SERGEF: variants seen among roughly 807,000 people sequenced by gnomAD.
SERGEF encodes the protein secretion-regulating guanine nucleotide exchange factor.
In SERGEF, 51 loss-of-function variants were observed where a neutral mutation model predicts 50.0. The observed-to-expected ratio is 1.02, with a 90% CI of 0.81 to 1.29. The LOEUF is 1.29. Among genes scored for constraint, SERGEF ranks in the 50% most tolerant of loss-of-function variants. SERGEF has a pLI of 0.00. For missense variants in SERGEF, 521 were observed against 557.0 expected (o/e 0.94, Z 0.65); for synonymous variants, 205 against 212.4 (o/e 0.97, Z 0.30).
chr11:17,806,746 G>T (rs1004887290), intron 10 of SERGEF, among the ~76,000 whole-genome samples: 3 of 152,160 alleles, frequency 2.0e-5, no homozygotes, highest in African/African-American at 7.2e-5. Flanking sequence ...CCGTTCCTCA[G>T]GAGAGGAAAG....
At chr11:17,959,429 GA>G in intron 9 of SERGEF, 40 bp downstream of exon 9, 1 of 1,582,232 alleles carries the variant, frequency 6.3e-7, no homozygotes, top group Non-Finnish European at 8.6e-7. Context: ...TGAAAGACAA[GA>G]AAAAGGGACA....
intron 10 of SERGEF, among the ~76,000 whole-genome samples, chr11:17,819,145 C>T (rs559974907): frequency 6.6e-6 from 1 of 152,198 alleles, no homozygotes; most frequent in African/African-American, 2.4e-5. Context: ...TTTTTAATAT[C>T]AAAGAATTTC....
At chr11:18,011,530 T>C (rs562957676) in intron 1 of SERGEF, among the ~76,000 whole-genome samples, 290 of 152,248 alleles carry the variant, frequency 1.9e-3, no homozygotes, top group Middle Eastern at 3.4e-3. Flanking sequence ...GAAAATAAAT[T>C]TCTGTTGTTT....
intron 8 of SERGEF, among the ~76,000 whole-genome samples, chr11:17,973,022 A>C (rs1004787605): frequency 2.6e-5 from 4 of 152,164 alleles, no homozygotes; most frequent in Non-Finnish European, 4.4e-5. Flanking sequence ...GGAAAGAAAA[A>C]AGGCCAAGCA....
intron 10 of SERGEF, among the ~76,000 whole-genome samples, chr11:17,836,054 A>G (rs942061030): frequency 2.0e-5 from 3 of 152,248 alleles, no homozygotes; most frequent in African/African-American, 7.2e-5. Context: ...CTGGTTAGGT[A>G]GAGAGTTGAT....
At chr11:17,898,046 T>C (rs1328703845) in intron 9 of SERGEF, among the ~76,000 whole-genome samples, 1 of 152,236 alleles carries the variant, frequency 6.6e-6, no homozygotes, top group African/African-American at 2.4e-5. Context: ...TTTAATAATA[T>C]GTCCCATTTA....
chr11:17,919,211 A>C (rs1852109184), intron 9 of SERGEF, among the ~76,000 whole-genome samples: 1 of 152,214 alleles, frequency 6.6e-6, no homozygotes, highest in African/African-American at 2.4e-5. Flanking sequence ...TGAATGTATA[A>C]ACAAAGGAAT....
intron 10 of SERGEF, among the ~76,000 whole-genome samples, chr11:17,842,209 A>C (rs1850515165): frequency 6.6e-6 from 1 of 152,176 alleles, no homozygotes; most frequent in African/African-American, 2.4e-5. Context: ...ATAGTCAATA[A>C]AAATCTGCTG....
intron 1 of SERGEF, among the ~76,000 whole-genome samples, chr11:18,010,773 G>C (rs993093214): frequency 2.0e-5 from 3 of 152,180 alleles, no homozygotes; most frequent in Non-Finnish European, 2.9e-5. Context: ...ATCTGAAACT[G>C]TGCTGGCCCA....
chr11:17,803,847 A>C lies in SERGEF; in HGVS notation c.1049-15434T>G, dbSNP rs892292715. Among the ~76,000 whole-genome samples the C allele has an allele frequency of 2.0e-5, 3 of 152,184 alleles. No individual in the cohort carries two copies. In the South Asian group the frequency reaches 6.2e-4, roughly 32 times the overall value. ...CCCTTGCATGGAACAAGTAGGTAAC[A>C]TTTGACACAAGTTCTAGCCGAGGGT... On this transcript the variant is annotated intron_variant, in intron 10 of 10. Transcript: ENST00000265965.
intron 8 of SERGEF, among the ~76,000 whole-genome samples, chr11:17,978,172 G>A (rs1264110941): frequency 2.0e-5 from 3 of 152,090 alleles, no homozygotes; most frequent in Non-Finnish European, 4.4e-5. Context: ...AGGGGCTACA[G>A]CAGTATTACC....
In SERGEF at chr11:17,968,383, G is replaced by T. The variant is rs1319468866; in HGVS notation, c.845-8747C>A. Among the ~76,000 whole-genome samples, 9 of 152,314 alleles carry T rather than the reference G, an allele frequency of 5.9e-5. No individual in the cohort carries two copies. The East Asian group carries it at 1.7e-3, about 29-fold the overall frequency. On this transcript the variant is annotated intron_variant, in intron 8 of 10. Transcript: ENST00000265965. ...ATTGAGCACTTTCTATACACCAGGT[G>T]CTGTCCTAGGTGCTAGGGGCTACTG... is the stretch of plus-strand genomic sequence containing the variant.
At chr11:17,973,394 A>T (rs916622449) in intron 8 of SERGEF, among the ~76,000 whole-genome samples, 1 of 152,188 alleles carries the variant, frequency 6.6e-6, no homozygotes, top group African/African-American at 2.4e-5. Flanking sequence ...AAACCCCAAG[A>T]CATCCCACAA....
At chr11:17,823,134 T>C (rs1031771113) in intron 10 of SERGEF, among the ~76,000 whole-genome samples, 1 of 152,244 alleles carries the variant, frequency 6.6e-6, no homozygotes, top group Non-Finnish European at 1.5e-5. Context: ...TTGTTTTTGA[T>C]GATCTTGACA....
chr11:18,003,912 G>A (rs2134011063), intron 4 of SERGEF, among the ~76,000 whole-genome samples: 1 of 152,276 alleles, frequency 6.6e-6, no homozygotes, highest in African/African-American at 2.4e-5. Context: ...CATCTCTGTG[G>A]ATATACATTT....
chr11:17,823,960 T>C (rs575180641), intron 10 of SERGEF, among the ~76,000 whole-genome samples: 1 of 152,284 alleles, frequency 6.6e-6, no homozygotes, highest in South Asian at 2.1e-4. Context: ...CTCTGGCCAG[T>C]TTTTAGTTGA....
chr11:17,801,193 T>TC (rs1253864610), intron 10 of SERGEF, among the ~76,000 whole-genome samples: 7 of 29,566 alleles, frequency 2.4e-4, no homozygotes, highest in African/African-American at 5.5e-4. Flanking sequence ...AGACTCCGTC[T>TC]CAAAAAAAAA....
At chr11:17,900,413 T>C (rs1293058674) in intron 9 of SERGEF, among the ~76,000 whole-genome samples, 1 of 152,234 alleles carries the variant, frequency 6.6e-6, no homozygotes, top group African/African-American at 2.4e-5. Flanking sequence ...GGCATTGCTA[T>C]CATCCTGAAT....
chr11:17,999,829 A>G lies in SERGEF; in HGVS notation c.508+668T>C, dbSNP rs577660785. ...CATCCCAGGCTCTGATCCAAGCTCT[A>G]CGTTACTCCCTGTATAAGCTTACAC... On this transcript the variant is annotated intron_variant, in intron 5 of 10. Transcript: ENST00000265965. 2.6e-5 allele frequency among the ~76,000 whole-genome samples: 4 copies of G among 152,360 alleles called. No individual in the cohort carries two copies. The East Asian group carries it at 5.8e-4, about 22-fold the overall frequency.
Sources: allele counts gnomAD v4.1 joint callset (sites outside exome capture counted in the v4.1 genomes callset), GRCh38; gene constraint gnomAD v4.1.1; transcripts MANE v1.5; gene names NCBI Gene and HGNC (gene_info 2026-07-23, HGNC 2026-07-21).